The following RAF1 variants were observed in gnomAD, a reference collection of about 807,000 sequenced individuals.
RAF1 encodes Raf-1 proto-oncogene, serine/threonine kinase.
RAF1 carries 27 observed loss-of-function variants against 81.1 expected under a neutral mutation model. The observed-to-expected ratio is 0.33, with a 90% CI of 0.25 to 0.46. The LOEUF is 0.46. Ranked by LOEUF, RAF1 falls within the 20% of genes least tolerant of loss-of-function variation. The pLI is 1.00. For synonymous variants in RAF1, 298 were observed against 294.0 expected, an observed-to-expected ratio of 1.01 and a Z score of -0.14; for missense variants, 598 against 826.0, an observed-to-expected ratio of 0.72 and a Z score of 3.38.
intron 1 of RAF1, among the ~76,000 whole-genome samples, chr3:12,657,104 G>A (rs1343337847): frequency 6.6e-6 from 1 of 152,016 alleles, no homozygotes; most frequent in Admixed American, 6.6e-5. Flanking sequence ...TGCACCAAGT[G>A]CACTGGCCTG....
At chr3:12,652,933 T>C (rs2060576249) in intron 1 of RAF1, among the ~76,000 whole-genome samples, 3 of 138,922 alleles carry the variant, frequency 2.2e-5, no homozygotes, top group Admixed American at 7.6e-5. Context: ...ACAGTGAGAC[T>C]CCATCTCAAA....
intron 1 of RAF1, among the ~76,000 whole-genome samples, chr3:12,625,808 A>T (rs562832822): frequency 9.2e-5 from 14 of 152,180 alleles, no homozygotes; most frequent in Non-Finnish European, 1.9e-4. Context: ...CCACCTGGGC[A>T]ACACAGTGAG....
chr3:12,657,736 A>T (rs1575686802), intron 1 of RAF1, among the ~76,000 whole-genome samples: 1 of 151,668 alleles, frequency 6.6e-6, no homozygotes, highest in Non-Finnish European at 1.5e-5. Context: ...GCACCACTGC[A>T]CTCCAGCCTG....
intron 1 of RAF1, among the ~76,000 whole-genome samples, chr3:12,647,408 C>T (rs1163111640): frequency 1.3e-5 from 2 of 152,022 alleles, no homozygotes; most frequent in Admixed American, 1.3e-4. Flanking sequence ...TGAGACCAGC[C>T]TGGACAACAT....
At chr3:12,618,485 C>T (rs2125452536) in intron 2 of RAF1, 30 bp downstream of exon 2, 1 of 1,611,034 alleles carries the variant, frequency 6.2e-7, no homozygotes, top group Non-Finnish European at 8.5e-7. Context: ...AGATAAATAG[C>T]TAAATTTCCT....
At chr3:12,612,969 A>C (rs969033220) in intron 2 of RAF1, among the ~76,000 whole-genome samples, 1 of 152,164 alleles carries the variant, frequency 6.6e-6, no homozygotes, top group Non-Finnish European at 1.5e-5. Context: ...TCTCACAAGT[A>C]CTTAACACTA....
rs563869100 is a variant in RAF1, at chr3:12,644,818, G to A, written c.-27+18995C>T. 4.6e-5 allele frequency among the ~76,000 whole-genome samples: 7 copies of A among 152,056 alleles called. No homozygotes were observed. In the East Asian group the frequency reaches 7.7e-4, roughly 17 times the overall value. On this transcript the variant is annotated intron_variant, in intron 1 of 17. Coordinates refer to ENST00000442415, the MANE Select transcript of RAF1 (RefSeq NM_001354689.3). ...ATATTTCACTCAAAAATATTAAGGC[G>A]GCCAGGCGTGGTGGCTCATGGCTAT...
chr3:12,612,782 T>G (rs1362482551), intron 2 of RAF1, among the ~76,000 whole-genome samples: 1 of 152,144 alleles, frequency 6.6e-6, no homozygotes, highest in Non-Finnish European at 1.5e-5. Context: ...AATGATAAAC[T>G]TTTCCTTTAT....
At chr3:12,614,382 C>T (rs1431897570) in intron 2 of RAF1, among the ~76,000 whole-genome samples, 1 of 151,514 alleles carries the variant, frequency 6.6e-6, no homozygotes. Flanking sequence ...GTAAGGGGTA[C>T]ATCAGATTTG....
chr3:12,635,769 T>G (rs13097767), intron 1 of RAF1, among the ~76,000 whole-genome samples: 1 of 150,802 alleles, frequency 6.6e-6, no homozygotes, highest in East Asian at 1.9e-4. Flanking sequence ...GTCAGGAGAT[T>G]GAGACCATCC....
chr3:12,602,731 G>A (rs2058899373), intron 8 of RAF1, among the ~76,000 whole-genome samples: 1 of 152,124 alleles, frequency 6.6e-6, no homozygotes. Flanking sequence ...TAATGATAAA[G>A]TCAAAATAAT....
intron 1 of RAF1, among the ~76,000 whole-genome samples, chr3:12,659,004 G>A (rs995904307): frequency 2.6e-5 from 4 of 152,210 alleles, no homozygotes; most frequent in South Asian, 4.1e-4. Context: ...TTAGAGCTAC[G>A]CAAGTCATTC....
At chr3:12,642,954 T>A (rs2060239492) in intron 1 of RAF1, among the ~76,000 whole-genome samples, 1 of 151,060 alleles carries the variant, frequency 6.6e-6, no homozygotes, top group Non-Finnish European at 1.5e-5. Flanking sequence ...ATGCACCAAA[T>A]ATAGCCAAAG....
At chr3:12,644,128 A>G (rs780744630) in intron 1 of RAF1, among the ~76,000 whole-genome samples, 21 of 152,192 alleles carry the variant, frequency 1.4e-4, no homozygotes, top group Non-Finnish European at 2.2e-4. Context: ...GTGCAAGATT[A>G]TTAGGGAGCA....
At chr3:12,614,112 G>A (rs755943782) in intron 2 of RAF1, among the ~76,000 whole-genome samples, 23 of 152,130 alleles carry the variant, frequency 1.5e-4, no homozygotes, top group Non-Finnish European at 2.9e-4. Flanking sequence ...CTGATTCTTC[G>A]AATAGATAAA....
chr3:12,657,710 G>T (rs570504958), intron 1 of RAF1, among the ~76,000 whole-genome samples: 2 of 151,746 alleles, frequency 1.3e-5, no homozygotes, highest in African/African-American at 4.8e-5. Flanking sequence ...CAGAGGTTGC[G>T]GTGAGCTGAG....
intron 6 of RAF1, among the ~76,000 whole-genome samples, chr3:12,605,398 TC>T (rs1183214932): frequency 5.3e-5 from 8 of 151,978 alleles, no homozygotes; most frequent in Non-Finnish European, 1.0e-4. Context: ...TGCTTCAGCC[TC>T]CCAAGTACCT....
chr3:12,659,988 G>C (rs1472258245), intron 1 of RAF1, among the ~76,000 whole-genome samples: 1 of 152,108 alleles, frequency 6.6e-6, no homozygotes, highest in Non-Finnish European at 1.5e-5. Flanking sequence ...ACTAGTAATA[G>C]ACTACCTGAA....
At chr3:12,650,352 T>C (rs1181164510) in intron 1 of RAF1, among the ~76,000 whole-genome samples, 1 of 151,970 alleles carries the variant, frequency 6.6e-6, no homozygotes, top group Non-Finnish European at 1.5e-5. Flanking sequence ...TACATAATTA[T>C]ATACCAAAGC....
Sources: allele counts gnomAD v4.1 joint callset (sites outside exome capture counted in the v4.1 genomes callset), GRCh38; gene constraint gnomAD v4.1.1; transcripts MANE v1.5; gene names NCBI Gene and HGNC (gene_info 2026-07-23, HGNC 2026-07-21).